Variants in UCHL5 observed in about 807,000 individuals in gnomAD.
UCHL5 encodes the protein ubiquitin C-terminal hydrolase L5, also known as ubiquitin carboxyl-terminal hydrolase isozyme L5.
In UCHL5, 34 loss-of-function variants were observed where a neutral mutation model predicts 53.8. The ratio of observed to expected loss-of-function variants is 0.63; its 90% confidence interval spans 0.48 to 0.84. The LOEUF (loss-of-function observed/expected upper bound fraction) is 0.84. UCHL5 is among the 40% of genes least tolerant of loss of function. The pLI is 0.00. For missense variants in UCHL5, 290 were observed against 385.6 expected, an observed-to-expected ratio of 0.75 and a Z score of 2.08; for synonymous variants, 111 against 126.3, an observed-to-expected ratio of 0.88 and a Z score of 0.81.
chr1:193,052,167 T>C (rs1264134729), intron 1 of UCHL5, among the ~76,000 whole-genome samples: 4 of 152,170 alleles, frequency 2.6e-5, no homozygotes, highest in Non-Finnish European at 4.4e-5. Context: ...TTTCTTACTC[T>C]ATACTTTTTT....
intron 1 of UCHL5, among the ~76,000 whole-genome samples, chr1:193,056,722 T>C (rs528992682): frequency 1.5e-3 from 230 of 152,358 alleles, no homozygotes; most frequent in African/African-American, 5.0e-3. Flanking sequence ...TATGACAGCA[T>C]TCACAATACA....
At chr1:193,053,720 CA>C (rs1395133872) in intron 1 of UCHL5, among the ~76,000 whole-genome samples, 2 of 152,054 alleles carry the variant, frequency 1.3e-5, no homozygotes, top group Non-Finnish European at 2.9e-5. Context: ...ACAATAAACA[CA>C]AAGAATCACT....
chr1:193,035,515 G>C (rs1663038154), intron 3 of UCHL5, among the ~76,000 whole-genome samples: 1 of 151,896 alleles, frequency 6.6e-6, no homozygotes, highest in African/African-American at 2.4e-5. Context: ...CGTCAAATAT[G>C]AATGAGAAGT....
intron 3 of UCHL5, among the ~76,000 whole-genome samples, chr1:193,032,652 T>C (rs1289824174): frequency 6.6e-6 from 1 of 152,060 alleles, no homozygotes; most frequent in Non-Finnish European, 1.5e-5. Context: ...ATACACAGAA[T>C]ATACAAGGAA....
chr1:193,020,177 A>T, intron 10 of UCHL5: 1 of 1,316,484 alleles, frequency 7.6e-7, no homozygotes. Flanking sequence ...GTTTCAATCA[A>T]TAAGGTAATA....
chr1:193,029,675 G>T lies in UCHL5; in HGVS notation c.247-18C>A. The T allele has an allele frequency of 6.4e-7, 1 of 1,565,260 alleles. No individual in the cohort carries two copies. Among genetic ancestry groups the T allele is most frequent in the Non-Finnish European group, 8.6e-7 (1 of 1,158,868 alleles). ...TTAATTACCTATAAAATATAAAAGTGAAGATATCAATGTGTTTAAAAAAAT... is the reference window on the plus strand; with the variant it reads ...TTAATTACCTATAAAATATAAAAGTTAAGATATCAATGTGTTTAAAAAAAT... On this transcript the variant is annotated intron_variant, in intron 3 of 10. Transcript: ENST00000367454.
intron 3 of UCHL5, among the ~76,000 whole-genome samples, chr1:193,036,025 C>T (rs1162592644): frequency 6.6e-6 from 1 of 151,676 alleles, no homozygotes; most frequent in East Asian, 1.9e-4. Flanking sequence ...CAAATTAAAA[C>T]ATACAACCTG....
Position 193,059,061 on chromosome 1 carries a change from G to A in UCHL5, c.76+124C>T, listed in dbSNP as rs775287489. 2 of 953,370 alleles carry A rather than the reference G, an allele frequency of 2.1e-6. No homozygotes were observed. Among genetic ancestry groups the A allele is most frequent in the Non-Finnish European group, 1.5e-6 (1 of 655,032 alleles). The allele number at this position is 953,370 out of a possible 1,614,324, so 59.1% of individuals were successfully genotyped here. A position where few individuals can be genotyped will look rare whatever the true frequency, so the allele number is the denominator to read the frequency against. On this transcript the variant is annotated intron_variant, in intron 1 of 10. Coordinates refer to ENST00000367454, the MANE Select transcript of UCHL5 (RefSeq NM_001199261.3). The surrounding 1 kb of genome is among the most constrained non-coding windows in gnomAD (Gnocchi z 4.9). ...AGAACATCTACATTTCCCCCACCCG[G>A]ACTCCAGGTTCCTGAAGTCACCTCT...
intron 10 of UCHL5, chr1:193,018,768 CTGTT>C: frequency 1.3e-6 from 2 of 1,536,860 alleles, no homozygotes; most frequent in Middle Eastern, 1.7e-4. Context: ...CATATCTTTC[CTGTT>C]TGTTTCCTTC....
chr1:193,022,046 T>C (rs1392867031), intron 9 of UCHL5, among the ~76,000 whole-genome samples: 1 of 152,182 alleles, frequency 6.6e-6, no homozygotes, highest in Non-Finnish European at 1.5e-5. Flanking sequence ...TAATTTACTT[T>C]TTTTAATATC....
chr1:193,037,525 T>G (rs1247879846), intron 3 of UCHL5, among the ~76,000 whole-genome samples: 1 of 152,132 alleles, frequency 6.6e-6, no homozygotes, highest in Non-Finnish European at 1.5e-5. Context: ...TGTGACAACT[T>G]CATTACTAAA....
intron 3 of UCHL5, among the ~76,000 whole-genome samples, chr1:193,033,378 G>T (rs890450463): frequency 6.6e-6 from 1 of 152,070 alleles, no homozygotes; most frequent in African/African-American, 2.4e-5. Context: ...GGCTTGTCGG[G>T]GGGTTGCGGG....
rs555671782 is a variant in UCHL5, at chr1:193,051,903, C to T, written c.77-86G>A. ...AATAAAATATTAACTAAAGGAAATG[C>T]AACACATGACAAAACAAAATGGTAA... On this transcript the variant is annotated intron_variant, in intron 1 of 10. Transcript: ENST00000367454. 67 of 927,052 alleles carry T rather than the reference C, an allele frequency of 7.2e-5. 1 individual carries two copies. In the Admixed American group the frequency reaches 1.5e-3, roughly 21 times the overall value. 57.4% of individuals were successfully genotyped at this position (927,052 alleles called of 1,614,324 possible).
rs141793274 is a variant in UCHL5 at position 193,028,848 on chromosome 1, C to T, written c.565+331G>A. Among the ~76,000 whole-genome samples, 563 of 152,070 alleles carry T rather than the reference C, an allele frequency of 3.7e-3. 4 individuals are homozygous for T. The highest frequency in any genetic ancestry group is 0.013 in the African/African-American group (522 of 41,490). On this transcript the variant is annotated intron_variant, in intron 6 of 10. Transcript: ENST00000367454. The stretch of plus-strand genomic sequence containing the variant: ...GTTAAGAAATGCTTGCTATCCCTTA[C>T]GAATGGGTTAAAAATGACAAGAGTA...
intron 3 of UCHL5, among the ~76,000 whole-genome samples, chr1:193,037,708 G>A (rs1279244543): frequency 6.6e-6 from 1 of 151,946 alleles, no homozygotes; most frequent in African/African-American, 2.4e-5. Context: ...GATGATAATA[G>A]ATGCAAAAAT....
In UCHL5 at chr1:193,059,125, A is replaced by T; in HGVS notation, c.76+60T>A. ...GGCGGTGGCCGCAGGGAACCACTCC[A>T]TGCCCAGCTTGGGCCTCCTCCCGTG... On this transcript the variant is annotated intron_variant, in intron 1 of 10. Transcript: ENST00000367454. The surrounding 1 kb of genome is among the most constrained non-coding windows in gnomAD (Gnocchi z 4.9). 6.8e-7 allele frequency: 1 copy of T among 1,468,350 alleles called. No homozygotes were observed. The allele number at this position is 1,468,350 out of a possible 1,614,324, so 91.0% of individuals were successfully genotyped here. A position where few individuals can be genotyped will look rare whatever the true frequency, so the allele number is the denominator to read the frequency against.
At chr1:193,018,502 A>G in intron 10 of UCHL5, 3 of 1,082,316 alleles carry the variant, frequency 2.8e-6, no homozygotes, top group Non-Finnish European at 3.4e-6. Flanking sequence ...ATTACCTCCT[A>G]GGCAGTTTTT....
At chr1:193,020,596 A>G in intron 10 of UCHL5, 1 of 1,078,232 alleles carries the variant, frequency 9.3e-7, no homozygotes, top group Non-Finnish European at 1.2e-6. Context: ...TTACTTATGA[A>G]AAAAATCATA....
At chr1:193,032,163 A>C (rs959418573) in intron 3 of UCHL5, among the ~76,000 whole-genome samples, 1 of 152,194 alleles carries the variant, frequency 6.6e-6, no homozygotes, top group African/African-American at 2.4e-5. Context: ...AGACTAGAGA[A>C]TTTCTTTTCA....
Sources: gnomAD v4.1 joint callset for allele counts (sites outside exome capture counted in the v4.1 genomes callset) on GRCh38, gnomAD v4.1.1 for gene constraint, Gnocchi (gnomAD v3.1) non-coding constraint, MANE v1.5 for transcripts, NCBI Gene and HGNC (gene_info 2026-07-23, HGNC 2026-07-21) for gene names.